Variants in SLK observed in about 807,000 individuals in gnomAD.
SLK encodes the protein STE20 like kinase.
A neutral mutation model predicts 147.7 loss-of-function variants in SLK; 67 were observed. The ratio of observed to expected loss-of-function variants is 0.45; its 90% CI spans 0.37 to 0.56. SLK has a LOEUF of 0.56. SLK is among the 20% of genes least tolerant of loss of function. The pLI, the probability that SLK is intolerant of heterozygous loss-of-function variation, is 0.00. For missense variants in SLK, 1,136 were observed against 1,438.8 expected (o/e 0.79, Z 3.41); for synonymous variants, 441 against 475.0 (o/e 0.93, Z 0.93).
intron 1 of SLK, among the ~76,000 whole-genome samples, chr10:103,977,643 A>C (rs940111199): frequency 2.2e-4 from 33 of 152,264 alleles, no homozygotes; most frequent in African/African-American, 7.9e-4. Context: ...TTATCTCTTA[A>C]AATTTTAATA....
intron 12 of SLK, among the ~76,000 whole-genome samples, chr10:104,010,195 T>C (rs1432425120): frequency 6.6e-6 from 1 of 152,218 alleles, no homozygotes; most frequent in Non-Finnish European, 1.5e-5. Flanking sequence ...CAAAGGGGAA[T>C]ATTCTAATCC....
chr10:103,970,435 A>G (rs1444295539), intron 1 of SLK, among the ~76,000 whole-genome samples: 1 of 152,232 alleles, frequency 6.6e-6, no homozygotes, highest in Admixed American at 6.5e-5. Context: ...AATTGTGTCA[A>G]GGAGAATTTC....
Position 104,025,621 on chromosome 10 carries a change from C to T in SLK, c.3609C>T (p.Phe1203=). ...FARKLQEQEV[F]FKMTGESECL... is the part of the protein sequence containing the mutation. ...GGAAACTACAGGAACAGGAAGTATT[C>T]TTTAAAATGACTGGGGAGTCTGAAT... is the stretch of plus-strand genomic sequence containing the variant. The change falls in exon 19 of 19, where the codon TTC becomes TTT. Residue 1203 remains phenylalanine (F), a synonymous_variant. Transcript: ENST00000369755. The T allele has an allele frequency of 6.2e-7, 1 of 1,613,824 alleles. No individual in the cohort carries two copies.
At chr10:103,971,384 C>A (rs185871179) in intron 1 of SLK, among the ~76,000 whole-genome samples, 8 of 152,296 alleles carry the variant, frequency 5.3e-5, no homozygotes, top group South Asian at 4.1e-4. Context: ...AAGCAATTCT[C>A]CTGCCTCAGC....
chr10:104,003,071 T>C lies in SLK; in HGVS notation c.1893T>C (p.Asn631=), dbSNP rs770608310. ...GTTCAGAGAACATAATGGACATCAA[T>C]GAGGAACCAGGAACAACTGAAGGTG... The part of the protein sequence containing the change: ...INSSENIMDI[N]EEPGTTEGEE... The change falls in exon 9 of 19, where the codon AAT becomes AAC. Residue 631 remains asparagine, a synonymous_variant. Transcript: ENST00000369755. 6.2e-7 allele frequency: 1 copy of C among 1,613,868 alleles called. No homozygotes were observed. The highest frequency in any genetic ancestry group is 1.1e-5 in the South Asian group (1 of 91,068).
chr10:103,996,565 A>G (rs1188377335), intron 4 of SLK, among the ~76,000 whole-genome samples: 2 of 151,498 alleles, frequency 1.3e-5, no homozygotes, highest in Non-Finnish European at 2.9e-5. Flanking sequence ...CGCCCAGCTA[A>G]TTTTTTGTAT....
At chr10:104,005,028 T>C (rs1368357547) in intron 9 of SLK, among the ~76,000 whole-genome samples, 1 of 152,146 alleles carries the variant, frequency 6.6e-6, no homozygotes, top group African/African-American at 2.4e-5. Context: ...TAAGTAGATT[T>C]TGATCCCCAG....
At chr10:103,981,130 G>A (rs560816437) in intron 1 of SLK, among the ~76,000 whole-genome samples, 28 of 152,058 alleles carry the variant, frequency 1.8e-4, no homozygotes, top group African/African-American at 6.7e-4. Context: ...TATCTTCCTG[G>A]GAGAAATACC....
rs1844508827 is a variant in SLK, at chr10:104,019,592, T to A, written c.3133-142T>A. On this transcript the variant is annotated intron_variant, in intron 15 of 18. Coordinates refer to ENST00000369755, the MANE Select transcript of SLK (RefSeq NM_014720.4). ...TAGCCTAACTTCTTACAAGTTATTT[T>A]GTGCCTAGTATTTTGCTGGTCACTG... 4 of 699,644 alleles carry A rather than the reference T, an allele frequency of 5.7e-6. No individual in the cohort carries two copies. In the South Asian group the frequency reaches 7.2e-5, roughly 13 times the overall value. The allele number at this position is 699,644 out of a possible 1,614,324, so 43.3% of individuals were successfully genotyped here.
rs1342055177 is a variant in SLK at position 103,967,752 on chromosome 10, TTCTTCAATTTCCGTAAGA to T, written c.15_32del (p.Asn5_Phe10del). 6.2e-7 allele frequency: 1 copy of T among 1,614,070 alleles called. No homozygotes were observed. Reference sequence around the variant, plus strand: ...CTCTGTGTTGGGAGGAAAAATGTCCTTCTTCAATTTCCGTAAGATCTTCAAGTTGGGGAGCGAGAAGAA... The same window carrying T: ...CTCTGTGTTGGGAGGAAAAATGTCCTTCTTCAAGTTGGGGAGCGAGAAGAA... On this transcript the variant is annotated inframe_deletion, in exon 1 of 19. Transcript: ENST00000369755.
At chr10:103,992,757 AG>A (rs1844117218) in intron 3 of SLK, 111 bp downstream of exon 3, 2 of 207,316 alleles carry the variant, frequency 9.6e-6, no homozygotes, top group Non-Finnish European at 7.9e-6. Context: ...AGTAAAGTTC[AG>A]TAAGTTAACT....
chr10:104,004,003 G>A (rs1844291158), intron 9 of SLK, among the ~76,000 whole-genome samples: 2 of 152,144 alleles, frequency 1.3e-5, no homozygotes, highest in African/African-American at 4.8e-5. Context: ...TTGGAGCTTT[G>A]AGTGTAATTC....
At chr10:104,009,573 T>C (rs952693201) in intron 12 of SLK, among the ~76,000 whole-genome samples, 6 of 152,150 alleles carry the variant, frequency 3.9e-5, no homozygotes, top group Non-Finnish European at 7.4e-5. Flanking sequence ...CTGTGAGGTA[T>C]GACATTACTG....
At chr10:103,977,987 A>G (rs1035450829) in intron 1 of SLK, among the ~76,000 whole-genome samples, 2 of 152,134 alleles carry the variant, frequency 1.3e-5, no homozygotes, top group Non-Finnish European at 2.9e-5. Flanking sequence ...CCATCCATTC[A>G]TCCATTTATC....
chr10:103,995,402 C>G (rs965370344), intron 4 of SLK, among the ~76,000 whole-genome samples: 2 of 126,066 alleles, frequency 1.6e-5, no homozygotes, highest in Non-Finnish European at 3.4e-5. Flanking sequence ...TTAACCATTT[C>G]TTTTTTCTTT....
intron 1 of SLK, among the ~76,000 whole-genome samples, chr10:103,987,398 A>G (rs1452464785): frequency 6.6e-6 from 1 of 152,198 alleles, no homozygotes; most frequent in Non-Finnish European, 1.5e-5. Context: ...TTTTCATTGT[A>G]GAACTGTACT....
rs1325808549 is a variant in SLK at position 104,028,887 on chromosome 10, AT to A, written c.*3169del. Reference sequence around the variant, plus strand: ...AGTTCTAATAGTCTTTTGATTAACAATTCTTTTCTGAGAAATGATTTTTATA... The same window carrying A: ...AGTTCTAATAGTCTTTTGATTAACAATCTTTTCTGAGAAATGATTTTTATA... On this transcript the variant is annotated 3_prime_UTR_variant, in exon 19 of 19. Transcript: ENST00000369755. 1.3e-5 allele frequency: 2 copies of A among 152,238 alleles called. No individual in the cohort carries two copies. The highest frequency in any genetic ancestry group is 2.9e-5 in the Non-Finnish European group (2 of 68,044). 9.4% of individuals were successfully genotyped at this position (152,238 alleles called of 1,614,324 possible). A position where few individuals can be genotyped will look rare whatever the true frequency, so the allele number is the denominator to read the frequency against.
chr10:104,020,027 G>T, intron 16 of SLK, 105 bp downstream of exon 16: 1 of 866,628 alleles, frequency 1.2e-6, no homozygotes, highest in Non-Finnish European at 1.8e-6. Flanking sequence ...AGCCACCTTA[G>T]GCTTGTTGAT....
rs1844632967 is a variant in SLK at position 104,028,992 on chromosome 10, G to C, written c.*3272G>C. On this transcript the variant is annotated 3_prime_UTR_variant, in exon 19 of 19. Coordinates refer to ENST00000369755, the MANE Select transcript of SLK (RefSeq NM_014720.4). The stretch of plus-strand genomic sequence containing the variant: ...ATGGCTGTATTGTTGCTATTCCGTT[G>C]CTGACATGTTTTTGATAAAGCTTTA... The C allele has an allele frequency of 6.6e-6, 1 of 152,162 alleles. No individual in the cohort carries two copies. Among genetic ancestry groups the C allele is most frequent in the Non-Finnish European group, 1.5e-5 (1 of 68,034 alleles). The allele number at this position is 152,162 out of a possible 1,614,324, so 9.4% of individuals were successfully genotyped here.
Sources: allele counts gnomAD v4.1 joint callset (sites outside exome capture counted in the v4.1 genomes callset), GRCh38; gene constraint gnomAD v4.1.1; transcripts MANE v1.5; gene names NCBI Gene and HGNC (gene_info 2026-07-23, HGNC 2026-07-21).